C6orf52: variants seen among roughly 807,000 people sequenced by gnomAD.
The protein encoded by C6orf52 is putative uncharacterized protein C6orf52.
Under a neutral mutation model 16.6 loss-of-function variants are expected in C6orf52, and 16 were observed. The ratio of observed to expected loss-of-function variants is 0.96; its 90% CI spans 0.65 to 1.46. C6orf52 has a LOEUF of 1.46. C6orf52 is among the 40% of genes most tolerant of loss of function. The pLI, the probability that C6orf52 is intolerant of heterozygous loss-of-function variation, is 0.00. For synonymous variants in C6orf52, 53 were observed against 61.4 expected (o/e 0.86, Z 0.64); for missense variants, 166 against 182.3 (o/e 0.91, Z 0.52).
Position 10,687,536 on chromosome 6 carries a change from C to A in C6orf52, c.15G>T (p.Glu5Asp), listed in dbSNP as rs1768958242. 1 of 1,550,760 alleles carries A rather than the reference C, an allele frequency of 6.4e-7. No homozygotes were observed. Among genetic ancestry groups the A allele is most frequent in the Non-Finnish European group, 8.7e-7 (1 of 1,146,268 alleles). The change falls in exon 2 of 5, where the codon GAG (glutamate) becomes GAT (aspartate). Residue 5 changes from glutamate (E) to aspartate (D), a missense_variant. Glu to Asp is a conservative substitution (Grantham distance 45). Transcript: ENST00000259983. Reference sequence around the variant, plus strand: ...GAGCTATGCCAAAATCTGCAGAACTCTCTGGTTGGGCCATTTACCCAGAAA... The same window carrying A: ...GAGCTATGCCAAAATCTGCAGAACTATCTGGTTGGGCCATTTACCCAGAAA... MAQPESSADFGIAQQ... is the reference protein window; with the variant it reads MAQPDSSADFGIAQQ...
At chr6:10,676,834 CCTT>C (rs1404765725) in intron 4 of C6orf52, among the ~76,000 whole-genome samples, 1 of 152,194 alleles carries the variant, frequency 6.6e-6, no homozygotes, top group Non-Finnish European at 1.5e-5. Context: ...GCCTTGCACT[CCTT>C]AACCCACCCA....
chr6:10,687,330 C>T (rs953864791), intron 2 of C6orf52, 150 bp downstream of exon 2: 19 of 746,910 alleles, frequency 2.5e-5, no homozygotes, highest in South Asian at 2.4e-4. Context: ...CACCATGGCA[C>T]GTGTATACCT....
intron 4 of C6orf52, among the ~76,000 whole-genome samples, chr6:10,675,524 A>C (rs1767801913): frequency 6.6e-6 from 1 of 152,188 alleles, no homozygotes; most frequent in African/African-American, 2.4e-5. Flanking sequence ...TACTGATTTC[A>C]TTTCCTTTGG....
intron 4 of C6orf52, among the ~76,000 whole-genome samples, chr6:10,679,845 T>C (rs1196743610): frequency 1.3e-5 from 2 of 152,242 alleles, no homozygotes; most frequent in Non-Finnish European, 2.9e-5. Context: ...ATATTAGCTG[T>C]GAGTTTGTTA....
chr6:10,671,708 A>G, intron 4 of C6orf52, 110 bp from the exon 5 acceptor site: 1 of 602,530 alleles, frequency 1.7e-6, no homozygotes, highest in Non-Finnish European at 2.7e-6. Flanking sequence ...AGTACTGCAG[A>G]TAGTAAAGGT....
At chr6:10,692,321 A>T (rs1769391489) in intron 1 of C6orf52, among the ~76,000 whole-genome samples, 1 of 152,156 alleles carries the variant, frequency 6.6e-6, no homozygotes, top group Admixed American at 6.5e-5. Flanking sequence ...CTTACTTCAC[A>T]CTCCTCTAAT....
chr6:10,691,091 T>C (rs1416934695), intron 1 of C6orf52, among the ~76,000 whole-genome samples: 1 of 152,224 alleles, frequency 6.6e-6, no homozygotes, highest in Non-Finnish European at 1.5e-5. Context: ...CTGTGTGTTC[T>C]TGAAAAAGTC....
chr6:10,694,683 C>T (rs1038273775), upstream of C6orf52: 1 of 313,616 alleles, frequency 3.2e-6, no homozygotes, highest in Admixed American at 4.8e-5. Flanking sequence ...CCGCTCCCTT[C>T]AGACGGGCGT....
intron 4 of C6orf52, among the ~76,000 whole-genome samples, chr6:10,672,074 G>A (rs905113954): frequency 6.6e-6 from 1 of 152,218 alleles, no homozygotes; most frequent in Non-Finnish European, 1.5e-5. Context: ...CAGAAAGACA[G>A]GAGGACTTGG....
intron 1 of C6orf52, among the ~76,000 whole-genome samples, chr6:10,688,879 T>C (rs947090547): frequency 6.6e-6 from 1 of 152,228 alleles, no homozygotes; most frequent in African/African-American, 2.4e-5. Flanking sequence ...TGGCATGATC[T>C]TGGCTCACTG....
intron 1 of C6orf52, among the ~76,000 whole-genome samples, chr6:10,690,726 G>C (rs541044064): frequency 6.6e-6 from 1 of 152,294 alleles, no homozygotes; most frequent in South Asian, 2.1e-4. Flanking sequence ...TAATTTAAAA[G>C]CAAAGCTACA....
intron 1 of C6orf52, among the ~76,000 whole-genome samples, chr6:10,688,857 G>A (rs1269169289): frequency 1.3e-5 from 2 of 152,194 alleles, no homozygotes; most frequent in Non-Finnish European, 2.9e-5. Context: ...TGTCACCCAG[G>A]CTGGAGTACA....
chr6:10,674,022 A>G (rs1340017245), intron 4 of C6orf52, among the ~76,000 whole-genome samples: 1 of 152,186 alleles, frequency 6.6e-6, no homozygotes, highest in Non-Finnish European at 1.5e-5. Context: ...ACACACAGTT[A>G]TTTCTCACAG....
At chr6:10,678,668 G>T (rs1196726034) in intron 4 of C6orf52, among the ~76,000 whole-genome samples, 1 of 152,174 alleles carries the variant, frequency 6.6e-6, no homozygotes, top group Non-Finnish European at 1.5e-5. Context: ...CATTGGCTGG[G>T]CATGGTGGCT....
At chr6:10,692,307 GAC>G (rs1169914597) in intron 1 of C6orf52, among the ~76,000 whole-genome samples, 2 of 152,136 alleles carry the variant, frequency 1.3e-5, no homozygotes, top group Non-Finnish European at 2.9e-5. Flanking sequence ...ACGTCCAGAG[GAC>G]ACTTACTTCA....
Position 10,687,560 on chromosome 6 carries a change from A to C in C6orf52, c.-10T>G, listed in dbSNP as rs144719183. 6.5e-7 allele frequency: 1 copy of C among 1,544,664 alleles called. No individual in the cohort carries two copies. Among genetic ancestry groups the C allele is most frequent in the African/African-American group, 1.4e-5 (1 of 72,544 alleles). On this transcript the variant is annotated splice_region_variant and 5_prime_UTR_variant, in exon 2 of 5. Transcript: ENST00000259983. ...TCTCTGGTTGGGCCATTTACCCAGA[A>C]ACTTTACAAAAAGAGAGCAGAATCC...
At chr6:10,676,821 T>A (rs999616577) in intron 4 of C6orf52, among the ~76,000 whole-genome samples, 1 of 152,208 alleles carries the variant, frequency 6.6e-6, no homozygotes, top group Non-Finnish European at 1.5e-5. Context: ...TTCTACCTAT[T>A]AAGCCTTGCA....
chr6:10,683,266 T>G, intron 3 of C6orf52, 34 bp from the exon 4 acceptor site: 1 of 1,442,634 alleles, frequency 6.9e-7, no homozygotes, highest in Non-Finnish European at 9.5e-7. Flanking sequence ...AGAAAATAAT[T>G]TTACTTAAAG....
chr6:10,673,954 G>A (rs1466427273), intron 4 of C6orf52, among the ~76,000 whole-genome samples: 1 of 152,124 alleles, frequency 6.6e-6, no homozygotes, highest in African/African-American at 2.4e-5. Context: ...TAATATCTTG[G>A]ATATTGCCTT....
Sources: gnomAD v4.1 joint callset for allele counts (sites outside exome capture counted in the v4.1 genomes callset) on GRCh38, gnomAD v4.1.1 for gene constraint, MANE v1.5 for transcripts, NCBI Gene and HGNC (gene_info 2026-07-23, HGNC 2026-07-21) for gene names.